The following MAPK12 variants were observed in gnomAD, a reference collection of about 807,000 sequenced individuals.
MAPK12 encodes the protein MAP kinase 12.
MAPK12 carries 49 observed loss-of-function variants against 49.1 expected under a neutral mutation model. The observed-to-expected ratio is 1.00, with a 90% confidence interval of 0.79 to 1.27. The LOEUF is 1.27. Among genes scored for constraint, MAPK12 ranks in the 50% most tolerant of loss-of-function variants. The probability of loss-of-function intolerance (pLI) is 0.00; values close to 1 mark genes in which losing one functional copy is unlikely to be tolerated. For missense variants in MAPK12, 554 were observed against 502.4 expected (o/e 1.10, Z -0.98); for synonymous variants, 251 against 209.7 (o/e 1.20, Z -1.70).
At position 50,253,486 on chromosome 22, in the gene MAPK12, G is replaced by A. The variant is rs762387357; in HGVS notation, c.1025-6C>T. 29 of 1,086,670 alleles carry A rather than the reference G, an allele frequency of 2.7e-5. No homozygotes were observed. The highest frequency in any genetic ancestry group is 3.5e-5 in the Non-Finnish European group (26 of 746,926). The allele number at this position is 1,086,670 out of a possible 1,614,324, so 67.3% of individuals were successfully genotyped here. On this transcript the variant is annotated splice_polypyrimidine_tract_variant and splice_region_variant and intron_variant, in intron 11 of 11. Coordinates refer to ENST00000215659, the MANE Select transcript of MAPK12 (RefSeq NM_002969.6). The stretch of plus-strand genomic sequence containing the variant: ...CACCTCTTTGTAAGTAACACCTGGC[G>A]GGGGTGGGGGGGCGGGCACAACAGA...
At chr22:50,259,255 G>A (rs1056040217) in intron 2 of MAPK12, among the ~76,000 whole-genome samples, 4 of 152,158 alleles carry the variant, frequency 2.6e-5, no homozygotes, top group East Asian at 1.9e-4. Flanking sequence ...GGGTGTCCAG[G>A]GGGCAGCGGG....
At chr22:50,255,578 G>GCGCCCCCCCCCCC in intron 9 of MAPK12, 37 bp downstream of exon 9, 1 of 1,582,026 alleles carries the variant, frequency 6.3e-7, no homozygotes, top group East Asian at 2.3e-5. Flanking sequence ...GCCCAGGTCC[G>GCGCCCCCCCCCCC]CCCCCACCCC....
intron 10 of MAPK12, 28 bp from the exon 11 acceptor site, chr22:50,255,398 C>A: frequency 6.2e-7 from 1 of 1,612,822 alleles, no homozygotes; most frequent in South Asian, 1.1e-5. Flanking sequence ...TCAGGCCAGA[C>A]CACGGGAGGC....
At position 50,257,818 on chromosome 22, in the gene MAPK12, G is replaced by A. The variant is rs558923825; in HGVS notation, c.314+425C>T. 2.1e-3 allele frequency: 1,524 copies of A among 718,276 alleles called. 5 individuals carry two copies. Among genetic ancestry groups the A allele is most frequent in the Non-Finnish European group, 2.1e-3 (825 of 386,924 alleles). The allele number at this position is 718,276 out of a possible 1,614,324, so 44.5% of individuals were successfully genotyped here. A position where few individuals can be genotyped will look rare whatever the true frequency, so the allele number is the denominator to read the frequency against. On this transcript the variant is annotated intron_variant, in intron 3 of 11. Transcript: ENST00000215659. ...TTGGCCGACAGGGTGTGAGTCCCAGGGTGGTCGGCTGCAGGGCAGGGGCAG... is the reference window on the plus strand; with the variant it reads ...TTGGCCGACAGGGTGTGAGTCCCAGAGTGGTCGGCTGCAGGGCAGGGGCAG...
intron 2 of MAPK12, 154 bp downstream of exon 2, chr22:50,261,013 C>T (rs2065206491): frequency 2.3e-6 from 2 of 856,118 alleles, no homozygotes; most frequent in South Asian, 4.0e-5. Flanking sequence ...AGAGACAGGC[C>T]TTGCTCTCCT....
At chr22:50,256,515 G>A in intron 6 of MAPK12, 84 bp downstream of exon 6, 2 of 1,521,920 alleles carry the variant, frequency 1.3e-6, no homozygotes, top group Non-Finnish European at 1.8e-6. Context: ...TTGGCCCCCT[G>A]CCCAGGCCTG....
At position 50,261,218 on chromosome 22, in the gene MAPK12, G is replaced by A. The variant is rs1478579928; in HGVS notation, c.204C>T (p.Ala68=). Residue 68 remains alanine, a synonymous_variant, in exon 2 of 12, where the codon GCC becomes GCT. Transcript: ENST00000215659. The part of the protein sequence containing the change: ...LYRPFQSELF[A]KRAYRELRLL... Reference sequence around the variant, plus strand: ...GGCGCAGCTCGCGGTAGGCGCGCTTGGCGAACAGCTCGGACTGGAAAGGCC... The same window carrying A: ...GGCGCAGCTCGCGGTAGGCGCGCTTAGCGAACAGCTCGGACTGGAAAGGCC... 5 of 1,590,268 alleles carry A rather than the reference G, an allele frequency of 3.1e-6. No individual in the cohort carries two copies. The highest frequency in any genetic ancestry group is 1.7e-5 in the Admixed American group (1 of 58,134).
intron 11 of MAPK12, chr22:50,254,981 C>T: frequency 6.9e-7 from 1 of 1,440,206 alleles, no homozygotes; most frequent in Non-Finnish European, 9.1e-7. Context: ...CTCCCATCCT[C>T]CTCACCTGAC....
rs1004916453 is a variant in MAPK12 at position 50,255,695 on chromosome 22, C to G, written c.692-1G>C. On this transcript the variant is annotated splice_acceptor_variant, in intron 8 of 11. Transcript: ENST00000215659. LOFTEE classifies it high-confidence loss of function. The stretch of plus-strand genomic sequence containing the variant: ...ATGATCTCCTTCAGCTGGTCCAGGT[C>G]TGCACCGAGGTCAGGAACACAGCTC... 7 of 1,609,812 alleles carry G rather than the reference C, an allele frequency of 4.3e-6. No individual in the cohort carries two copies. Among genetic ancestry groups the G allele is most frequent in the Non-Finnish European group, 4.2e-6 (5 of 1,179,956 alleles).
At chr22:50,255,783 T>A in intron 8 of MAPK12, 27 bp downstream of exon 8, 1 of 1,611,772 alleles carries the variant, frequency 6.2e-7, no homozygotes, top group Non-Finnish European at 8.5e-7. Flanking sequence ...CACCCGCCCC[T>A]GGTGCCGCCC....
rs377136156 is a variant in MAPK12 at position 50,257,386 on chromosome 22, C to A, written c.315-193G>T. Reference sequence around the variant, plus strand: ...CTTGCAGTGCCAGGCTCCATCCTCCCGCAACTGTTACTGCCAGCAGCGCTC... The same window carrying A: ...CTTGCAGTGCCAGGCTCCATCCTCCAGCAACTGTTACTGCCAGCAGCGCTC... On this transcript the variant is annotated intron_variant, in intron 3 of 11. Transcript: ENST00000215659. Among the ~76,000 whole-genome samples the A allele has an allele frequency of 3.9e-5, 6 of 152,304 alleles. No homozygotes were observed. In the South Asian group the frequency reaches 6.2e-4, roughly 16 times the overall value.
intron 3 of MAPK12, chr22:50,257,672 GAGAC>G (rs1012880603): frequency 3.4e-6 from 2 of 593,974 alleles, no homozygotes; most frequent in African/African-American, 3.7e-5. Context: ...TGGGCCGGTG[GAGAC>G]AGACACAGGA....
At chr22:50,255,763 G>C (rs2065143510) in intron 8 of MAPK12, 47 bp downstream of exon 8, 3 of 1,610,616 alleles carry the variant, frequency 1.9e-6, no homozygotes, top group African/African-American at 2.7e-5. Flanking sequence ...ACCTGGGCAG[G>C]AGCCATCCCC....
intron 2 of MAPK12, chr22:50,260,750 C>T (rs1012958659): frequency 6.3e-6 from 1 of 158,756 alleles, no homozygotes; most frequent in Non-Finnish European, 1.4e-5. Context: ...GTGGGCTCCA[C>T]AGAGGGGCTG....
At chr22:50,255,578 G>GGGCCCCCCCC in intron 9 of MAPK12, 37 bp downstream of exon 9, 1 of 1,582,028 alleles carries the variant, frequency 6.3e-7, no homozygotes, top group Non-Finnish European at 8.7e-7. Context: ...GCCCAGGTCC[G>GGGCCCCCCCC]CCCCCACCCC....
intron 11 of MAPK12, chr22:50,253,841 C>G: frequency 3.4e-6 from 1 of 291,312 alleles, no homozygotes; most frequent in South Asian, 3.7e-5. Context: ...CTCATAAGCA[C>G]ACGAATATGC....
rs766136265 is a variant in MAPK12 at position 50,258,327 on chromosome 22, A to G, written c.256-26T>C. 8 of 1,608,040 alleles carry G rather than the reference A, an allele frequency of 5.0e-6. No homozygotes were observed. The South Asian group carries it at 8.8e-5, about 18-fold the overall frequency. Reference sequence around the variant, plus strand: ...CTGGGGGGGCCACATAGGGTTGAGAATGCAGCAGAGGACACGGGCTGGGGC... The same window carrying G: ...CTGGGGGGGCCACATAGGGTTGAGAGTGCAGCAGAGGACACGGGCTGGGGC... On this transcript the variant is annotated intron_variant, in intron 2 of 11. Transcript: ENST00000215659.
At chr22:50,259,508 C>T (rs1176150802) in intron 2 of MAPK12, among the ~76,000 whole-genome samples, 2 of 152,102 alleles carry the variant, frequency 1.3e-5, no homozygotes, top group African/African-American at 4.8e-5. Context: ...GGGAAAGAGC[C>T]TCAGCTGCAG....
intron 6 of MAPK12, 100 bp downstream of exon 6, chr22:50,256,499 G>T (rs1236304419): frequency 4.8e-6 from 7 of 1,462,398 alleles, no homozygotes; most frequent in Non-Finnish European, 6.5e-6. Context: ...CCCAGAGCCT[G>T]GGACCTTGGC....
Sources: allele counts gnomAD v4.1 joint callset (sites outside exome capture counted in the v4.1 genomes callset), GRCh38; gene constraint gnomAD v4.1.1; transcripts MANE v1.5; gene names NCBI Gene and HGNC (gene_info 2026-07-23, HGNC 2026-07-21).